SHC4: variants seen among roughly 807,000 people sequenced by gnomAD.
The protein encoded by SHC4 is SHC adaptor protein 4, also known as SHC-transforming protein 4.
SHC4 carries 41 observed loss-of-function variants against 69.4 expected under a neutral mutation model. The observed-to-expected ratio is 0.59, with a 90% confidence interval of 0.46 to 0.77. SHC4 has a LOEUF of 0.77. Ranked by LOEUF, SHC4 falls within the 30% of genes least tolerant of loss-of-function variation. The pLI is 0.00. For synonymous variants in SHC4, 318 were observed against 299.3 expected (o/e 1.06, Z -0.64); for missense variants, 777 against 783.8 (o/e 0.99, Z 0.10).
chr15:48,907,134 A>G (rs1055728704), intron 2 of SHC4, among the ~76,000 whole-genome samples: 4 of 151,866 alleles, frequency 2.6e-5, no homozygotes, highest in African/African-American at 4.8e-5. Flanking sequence ...AAGGAATGCA[A>G]AAAAAAATTA....
chr15:48,878,921 TAAAGAA>T (rs1292517867), intron 4 of SHC4: 1 of 513,832 alleles, frequency 1.9e-6, no homozygotes, highest in Non-Finnish European at 3.5e-6. Flanking sequence ...AGAGAATCAT[TAAAGAA>T]AAAGAAAAAA....
In SHC4 at chr15:48,869,522, G is replaced by C. The variant is rs570503328; in HGVS notation, c.895-1653C>G. On this transcript the variant is annotated intron_variant, in intron 5 of 11. Transcript: ENST00000332408. ...GTGGTAGTAGTTACTTCTTGTGACT[G>C]TGTGCCAGGACCTGCGCTAACACTA... 2.0e-5 allele frequency among the ~76,000 whole-genome samples: 3 copies of C among 152,346 alleles called. No individual in the cohort carries two copies. In the East Asian group the frequency reaches 5.8e-4, roughly 29 times the overall value.
chr15:48,854,839 G>C (rs1899281779), intron 8 of SHC4, among the ~76,000 whole-genome samples: 1 of 152,006 alleles, frequency 6.6e-6, no homozygotes, highest in Admixed American at 6.6e-5. Flanking sequence ...AAAGAGGGGG[G>C]CAAAGGCTGA....
At chr15:48,954,178 C>G (rs1394276168) in intron 1 of SHC4, among the ~76,000 whole-genome samples, 1 of 152,192 alleles carries the variant, frequency 6.6e-6, no homozygotes, top group African/African-American at 2.4e-5. Flanking sequence ...GGCTGTTTAG[C>G]TGCAACCTGC....
intron 6 of SHC4, among the ~76,000 whole-genome samples, chr15:48,864,436 C>CTTTTTTTTT (rs35549079): frequency 1.8e-5 from 1 of 55,008 alleles, no homozygotes; most frequent in African/African-American, 7.0e-5. Context: ...ATACCACTTT[C>CTTTTTTTTT]TTTTTTTTTT....
chr15:48,862,046 A>G (rs1452360684), intron 6 of SHC4, among the ~76,000 whole-genome samples: 1 of 152,228 alleles, frequency 6.6e-6, no homozygotes, highest in Non-Finnish European at 1.5e-5. Context: ...GGAGTCCTCC[A>G]TACTTTAGGA....
intron 11 of SHC4, among the ~76,000 whole-genome samples, chr15:48,830,697 G>A (rs1567047299): frequency 6.6e-6 from 1 of 152,150 alleles, no homozygotes; most frequent in African/African-American, 2.4e-5. Flanking sequence ...TAAAAACATG[G>A]ATCCCCAACA....
intron 8 of SHC4, among the ~76,000 whole-genome samples, chr15:48,852,172 CA>C (rs1246479959): frequency 1.3e-5 from 2 of 152,102 alleles, no homozygotes; most frequent in Non-Finnish European, 2.9e-5. Context: ...ACATAAGAGC[CA>C]AAGACAGAGA....
chr15:48,870,686 A>G lies in SHC4; in HGVS notation c.894+1403T>C, dbSNP rs528970183. The stretch of plus-strand genomic sequence containing the variant: ...GAGTGAGACGCCGTCTCAAAAAAAA[A>G]AAAAGCATGTCTTGGTTTGACATGC... On this transcript the variant is annotated intron_variant, in intron 5 of 11. Coordinates refer to ENST00000332408, the MANE Select transcript of SHC4 (RefSeq NM_203349.4). Among the ~76,000 whole-genome samples, 457 of 152,308 alleles carry G rather than the reference A, an allele frequency of 3.0e-3. 4 individuals carry two copies. Among genetic ancestry groups the G allele is most frequent in the African/African-American group, 0.011 (440 of 41,556 alleles).
In SHC4 at chr15:48,917,243, TTGTGTGTGTGTGTGTGTG is replaced by T. The variant is rs3985853; in HGVS notation, c.656+7618_656+7635del. Among the ~76,000 whole-genome samples the T allele has an allele frequency of 4.3e-3, 594 of 137,196 alleles. 5 individuals are homozygous for T. The highest frequency in any genetic ancestry group is 0.014 in the African/African-American group (542 of 37,548). 90.0% of individuals were successfully genotyped at this position (137,196 alleles called of 152,430 possible). A position where few individuals can be genotyped will look rare whatever the true frequency, so the allele number is the denominator to read the frequency against. Reference sequence around the variant, plus strand: ...CTTTAAGTTTTAGTGACCTGATTTCTTGTGTGTGTGTGTGTGTGTGTGTGTGTGTGTGTGTGTGTGTGT... The same window carrying T: ...CTTTAAGTTTTAGTGACCTGATTTCTTGTGTGTGTGTGTGTGTGTGTGTGT... On this transcript the variant is annotated intron_variant, in intron 2 of 11. Coordinates refer to ENST00000332408, the MANE Select transcript of SHC4 (RefSeq NM_203349.4).
At chr15:48,901,756 C>T (rs935867909) in intron 2 of SHC4, among the ~76,000 whole-genome samples, 2 of 152,216 alleles carry the variant, frequency 1.3e-5, no homozygotes, top group African/African-American at 4.8e-5. Context: ...CTGTCTCTTA[C>T]AATCTCTGTC....
intron 2 of SHC4, among the ~76,000 whole-genome samples, chr15:48,899,388 A>C (rs944736590): frequency 5.3e-5 from 8 of 152,086 alleles, no homozygotes. Flanking sequence ...AATTGCTTGA[A>C]CCGGGAGGTG....
chr15:48,852,907 A>C (rs1486300981), intron 8 of SHC4, among the ~76,000 whole-genome samples: 1 of 128,356 alleles, frequency 7.8e-6, no homozygotes, highest in African/African-American at 2.7e-5. Flanking sequence ...GTCTCAAAAA[A>C]ATATATAAAA....
Position 48,920,870 on chromosome 15 carries a change from G to A in SHC4, c.656+4009C>T, listed in dbSNP as rs114804185. Among the ~76,000 whole-genome samples, 305 of 151,746 alleles carry A rather than the reference G, an allele frequency of 2.0e-3. 1 individual carries two copies. Among genetic ancestry groups the A allele is most frequent in the African/African-American group, 7.2e-3 (297 of 41,366 alleles). On this transcript the variant is annotated intron_variant, in intron 2 of 11. Transcript: ENST00000332408. ...AGTCTGAGGTGGGAGGATCCCATGA[G>A]CCCAGAAGTTAAGATCAGCTTGGCC...
chr15:48,864,541 G>A lies in SHC4; in HGVS notation c.946+3277C>T, dbSNP rs367944973. Among the ~76,000 whole-genome samples the A allele has an allele frequency of 1.0e-4, 15 of 146,076 alleles. No homozygotes were observed. The Middle Eastern group carries it at 0.014, about 137-fold the overall frequency. On this transcript the variant is annotated intron_variant, in intron 6 of 11. Transcript: ENST00000332408. ...TGGCTCACTGCAAGCTCCGCCTCCC[G>A]GGTTCACACCATTCTCCTGCCTCAG...
chr15:48,835,460 T>C (rs1898881643), intron 10 of SHC4, among the ~76,000 whole-genome samples: 2 of 152,232 alleles, frequency 1.3e-5, no homozygotes, highest in South Asian at 2.1e-4. Context: ...CCCCACTTTT[T>C]AGCATTTAGC....
chr15:48,961,979 C>G (rs958991296), intron 1 of SHC4, among the ~76,000 whole-genome samples: 2 of 152,238 alleles, frequency 1.3e-5, no homozygotes, highest in African/African-American at 4.8e-5. Flanking sequence ...ATAATTCAAG[C>G]CCCTTACACA....
intron 2 of SHC4, among the ~76,000 whole-genome samples, chr15:48,899,139 A>G (rs998935444): frequency 4.6e-5 from 7 of 152,158 alleles, no homozygotes; most frequent in Non-Finnish European, 8.8e-5. Context: ...ACTTCCAAAA[A>G]TTCTTCAGAG....
In SHC4 at chr15:48,834,974, GAGC is replaced by G; in HGVS notation, c.1529_1531del (p.Ser510_Ser511delinsThr). 1 of 1,613,166 alleles carries G rather than the reference GAGC, an allele frequency of 6.2e-7. No homozygotes were observed. Among genetic ancestry groups the G allele is most frequent in the African/African-American group, 1.3e-5 (1 of 75,036 alleles). The stretch of plus-strand genomic sequence containing the variant: ...CTGCTTAATGTGTGGCAAAGAATGT[GAGC>G]TGGCAGGCTGGGCTGTGGCACCCGG... On this transcript the variant is annotated inframe_deletion, in exon 11 of 12. Transcript: ENST00000332408.
Sources: allele counts gnomAD v4.1 joint callset (sites outside exome capture counted in the v4.1 genomes callset), GRCh38; gene constraint gnomAD v4.1.1; transcripts MANE v1.5; gene names NCBI Gene and HGNC (gene_info 2026-07-23, HGNC 2026-07-21).